The following INPP4B variants were observed in gnomAD, a reference collection of about 807,000 sequenced individuals.
INPP4B encodes inositol polyphosphate 4-phosphatase type II.
A neutral mutation model predicts 122.5 loss-of-function variants in INPP4B; 55 were observed. The ratio of observed to expected loss-of-function variants is 0.45; its 90% CI spans 0.36 to 0.56. The LOEUF (loss-of-function observed/expected upper bound fraction) is 0.56, where lower values mean the gene tolerates loss of function less well. Ranked by LOEUF, INPP4B falls within the 20% of genes least tolerant of loss-of-function variation. The pLI is 0.00. For missense variants in INPP4B, 1,000 were observed against 1,097.7 expected (o/e 0.91, Z 1.26); for synonymous variants, 403 against 388.7 (o/e 1.04, Z -0.43).
intron 18 of INPP4B, among the ~76,000 whole-genome samples, chr4:142,136,890 C>T (rs955605498): frequency 6.6e-6 from 1 of 152,028 alleles, no homozygotes; most frequent in African/African-American, 2.4e-5. Context: ...TCATCCCTTA[C>T]AAAGAAATGG....
intron 1 of INPP4B, among the ~76,000 whole-genome samples, chr4:142,821,685 T>C (rs1780809310): frequency 6.6e-6 from 1 of 152,164 alleles, no homozygotes; most frequent in African/African-American, 2.4e-5. Context: ...TTTTTACTTT[T>C]CTCAGTTTCT....
rs1025385697 is a variant in INPP4B, at chr4:142,306,590, C to T, written c.424-1053G>A. On this transcript the variant is annotated intron_variant, in intron 8 of 25. Transcript: ENST00000262992. ...AAATTATTTCACACATGAAAGGCTG[C>T]ATCCACACTCAGAGACTGCTAGGCA... is the stretch of plus-strand genomic sequence containing the variant. Among the ~76,000 whole-genome samples, 4 of 152,198 alleles carry T rather than the reference C, an allele frequency of 2.6e-5. No homozygotes were observed. The East Asian group carries it at 5.8e-4, about 22-fold the overall frequency.
chr4:142,638,529 T>A (rs1189355972), intron 2 of INPP4B, among the ~76,000 whole-genome samples: 1 of 149,200 alleles, frequency 6.7e-6, no homozygotes, highest in Non-Finnish European at 1.5e-5. Flanking sequence ...GTTCCATTGA[T>A]TTTAGTTGTC....
intron 2 of INPP4B, among the ~76,000 whole-genome samples, chr4:142,504,218 C>T (rs1225031613): frequency 1.3e-5 from 2 of 151,714 alleles, no homozygotes; most frequent in African/African-American, 2.4e-5. Flanking sequence ...GAAATAGGGG[C>T]AAAGGACTAT....
chr4:142,245,053 GC>G (rs1467815551), intron 11 of INPP4B, among the ~76,000 whole-genome samples: 3 of 152,098 alleles, frequency 2.0e-5, no homozygotes, highest in Non-Finnish European at 4.4e-5. Context: ...CATATTCTTT[GC>G]CCACTTTTGG....
intron 12 of INPP4B, among the ~76,000 whole-genome samples, chr4:142,228,400 C>G (rs1482438268): frequency 6.6e-6 from 1 of 151,984 alleles, no homozygotes; most frequent in Non-Finnish European, 1.5e-5. Flanking sequence ...AAGTCTTGAG[C>G]AGACCATATA....
chr4:142,505,149 G>A (rs1297336550), intron 2 of INPP4B, among the ~76,000 whole-genome samples: 1 of 151,534 alleles, frequency 6.6e-6, no homozygotes. Flanking sequence ...TGAGGCAAGA[G>A]GATCCCTTGA....
intron 7 of INPP4B, among the ~76,000 whole-genome samples, chr4:142,376,683 C>A (rs892676501): frequency 6.6e-6 from 1 of 151,994 alleles, no homozygotes; most frequent in Non-Finnish European, 1.5e-5. Flanking sequence ...GAAATCATCA[C>A]CCAACTCAAA....
At chr4:142,302,759 G>A (rs1283797569) in intron 9 of INPP4B, among the ~76,000 whole-genome samples, 1 of 151,934 alleles carries the variant, frequency 6.6e-6, no homozygotes. Context: ...GGACTACACG[G>A]CAATGAATTA....
At chr4:142,165,840 G>C (rs1822442856) in intron 16 of INPP4B, among the ~76,000 whole-genome samples, 2 of 151,696 alleles carry the variant, frequency 1.3e-5, no homozygotes, top group African/African-American at 4.8e-5. Flanking sequence ...GTACATAACA[G>C]TGATGCATGA....
At chr4:142,652,644 C>A (rs952071094) in intron 2 of INPP4B, among the ~76,000 whole-genome samples, 4 of 152,140 alleles carry the variant, frequency 2.6e-5, no homozygotes, top group Non-Finnish European at 5.9e-5. Context: ...ACCTAGGAAT[C>A]CAACTTACAA....
At chr4:142,377,491 C>T (rs569555230) in intron 7 of INPP4B, among the ~76,000 whole-genome samples, 3 of 152,140 alleles carry the variant, frequency 2.0e-5, no homozygotes, top group South Asian at 4.1e-4. Context: ...AGGTAACATG[C>T]TGCTCAAATA....
chr4:142,763,678 A>G (rs955977399), intron 1 of INPP4B, among the ~76,000 whole-genome samples: 3 of 152,182 alleles, frequency 2.0e-5, no homozygotes, highest in Non-Finnish European at 4.4e-5. Context: ...GAAGTAGGAA[A>G]CTAGTAACCA....
At chr4:142,558,203 C>A (rs1729630986) in intron 2 of INPP4B, among the ~76,000 whole-genome samples, 1 of 152,132 alleles carries the variant, frequency 6.6e-6, no homozygotes, top group Admixed American at 6.5e-5. Flanking sequence ...TTTTCAAAAC[C>A]TTGACCGCTA....
At chr4:142,378,265 T>C (rs1314563090) in intron 7 of INPP4B, among the ~76,000 whole-genome samples, 1 of 152,146 alleles carries the variant, frequency 6.6e-6, no homozygotes, top group Non-Finnish European at 1.5e-5. Flanking sequence ...TGTGCCATCA[T>C]GATTGAGAAG....
At chr4:142,250,035 A>C (rs1731155166) in intron 11 of INPP4B, among the ~76,000 whole-genome samples, 1 of 152,250 alleles carries the variant, frequency 6.6e-6, no homozygotes, top group African/African-American at 2.4e-5. Flanking sequence ...TATTGTTAGA[A>C]AGTCAAACTA....
chr4:142,208,599 T>C (rs1843538705), intron 13 of INPP4B, 70 bp from the exon 14 acceptor site: 3 of 811,328 alleles, frequency 3.7e-6, no homozygotes. Flanking sequence ...AAAAGATAAA[T>C]TTGACAGAAA....
chr4:142,282,827 G>A (rs1467143033), intron 9 of INPP4B, among the ~76,000 whole-genome samples: 1 of 152,052 alleles, frequency 6.6e-6, no homozygotes, highest in East Asian at 1.9e-4. Flanking sequence ...TGTAATCAAG[G>A]GGCGGGTGTT....
intron 2 of INPP4B, among the ~76,000 whole-genome samples, chr4:142,709,287 C>A (rs1371056312): frequency 2.0e-5 from 3 of 152,068 alleles, no homozygotes; most frequent in Non-Finnish European, 4.4e-5. Flanking sequence ...GGACTGAGGA[C>A]TTTTGAGTTA....
Sources: gnomAD v4.1 joint callset for allele counts (sites outside exome capture counted in the v4.1 genomes callset) on GRCh38, gnomAD v4.1.1 for gene constraint, MANE v1.5 for transcripts, NCBI Gene and HGNC (gene_info 2026-07-23, HGNC 2026-07-21) for gene names.